Variants in ATP2B4 observed in about 807,000 individuals in gnomAD.
ATP2B4 encodes the protein ATPase plasma membrane Ca2+ transporting 4, also known as plasma membrane calcium-transporting ATPase 4.
ATP2B4 carries 39 observed loss-of-function variants against 110.3 expected under a neutral mutation model. That is an observed-to-expected ratio of 0.35 (90% CI 0.27 to 0.46). The LOEUF (loss-of-function observed/expected upper bound fraction) is 0.46. ATP2B4 is among the 20% of genes least tolerant of loss of function. The probability of loss-of-function intolerance (pLI) is 1.00; values close to 1 mark genes in which losing one functional copy is unlikely to be tolerated. For missense variants in ATP2B4, 1,135 were observed against 1,530.9 expected (o/e 0.74, Z 4.32); for synonymous variants, 538 against 571.7 (o/e 0.94, Z 0.84).
intron 16 of ATP2B4, 66 bp downstream of exon 16, chr1:203,720,806 G>GAGT: frequency 6.6e-7 from 1 of 1,522,728 alleles, no homozygotes; most frequent in South Asian, 1.3e-5. Context: ...ATGGAGTGAA[G>GAGT]ACTACGGTGT....
At chr1:203,722,456 G>A in intron 17 of ATP2B4, 22 bp from the exon 18 acceptor site, 1 of 1,577,402 alleles carries the variant, frequency 6.3e-7, no homozygotes, top group South Asian at 1.1e-5. Context: ...TTAACCTCCA[G>A]TGCTTCTCCT....
At chr1:203,673,926 G>A (rs909245038) in intron 1 of ATP2B4, among the ~76,000 whole-genome samples, 2 of 152,154 alleles carry the variant, frequency 1.3e-5, no homozygotes, top group Non-Finnish European at 2.9e-5. Flanking sequence ...TGATTCTGCT[G>A]AAATTCGTTT....
intron 1 of ATP2B4, among the ~76,000 whole-genome samples, chr1:203,678,392 C>T (rs1484057213): frequency 2.0e-4 from 20 of 100,188 alleles, no homozygotes; most frequent in African/African-American, 3.6e-4. Context: ...TTTCTAGAGG[C>T]TTTTTTTTTT....
chr1:203,710,846 G>T, intron 11 of ATP2B4, 31 bp from the exon 12 acceptor site: 1 of 1,514,996 alleles, frequency 6.6e-7, no homozygotes, highest in South Asian at 1.2e-5. Flanking sequence ...TGGGAAGGGA[G>T]ACACCGCGTT....
Position 203,743,021 on chromosome 1 carries a change from A to T in ATP2B4, c.*3167A>T, listed in dbSNP as rs1667023976. The T allele has an allele frequency of 6.5e-6, 1 of 152,684 alleles. No individual in the cohort carries two copies. 9.5% of individuals were successfully genotyped at this position (152,684 alleles called of 1,614,324 possible). ...CCCATAGTATCATCTGTCCTCTGGA[A>T]TGACTCTCCTGTCCCTAAAGGGGTT... On this transcript the variant is annotated 3_prime_UTR_variant, in exon 21 of 21. Transcript: ENST00000357681.
At chr1:203,674,083 G>A (rs781458025) in intron 1 of ATP2B4, among the ~76,000 whole-genome samples, 1 of 152,158 alleles carries the variant, frequency 6.6e-6, no homozygotes, top group East Asian at 1.9e-4. Context: ...TGCTGCTGCC[G>A]GAGGGCTGCG....
At chr1:203,642,702 C>A (rs750106957) in intron 1 of ATP2B4, among the ~76,000 whole-genome samples, 3 of 152,146 alleles carry the variant, frequency 2.0e-5, no homozygotes, top group Non-Finnish European at 2.9e-5. Flanking sequence ...TGTCCTAAAT[C>A]ACCTAGTTGG....
Position 203,723,912 on chromosome 1 carries a change from T to A in ATP2B4, c.3056T>A (p.Phe1019Tyr), listed in dbSNP as rs140251053. The A allele has an allele frequency of 5.0e-6, 8 of 1,610,934 alleles. No individual in the cohort carries two copies. The African/African-American group carries it at 1.1e-4, about 22-fold the overall frequency. The change falls in exon 19 of 21, where the codon TTC becomes TAC. Residue 1019 changes from phenylalanine to tyrosine, a missense_variant. By Grantham distance (22) the Phe-to-Tyr change is conservative. Coordinates refer to ENST00000357681, the MANE Select transcript of ATP2B4 (RefSeq NM_001684.5). ...IFIVEFGGKP[F>Y]SCTSLSLSQW... ...ATCGTGGAATTTGGGGGTAAACCCTTCAGTTGTACAAGCCTCAGCCTGTCT... is the reference window on the plus strand; with the variant it reads ...ATCGTGGAATTTGGGGGTAAACCCTACAGTTGTACAAGCCTCAGCCTGTCT...
At chr1:203,735,002 C>CAAAAAAAAAAAAAAAAAAA (rs35552196) in intron 20 of ATP2B4, among the ~76,000 whole-genome samples, 7 of 57,130 alleles carry the variant, frequency 1.2e-4, no homozygotes, top group South Asian at 1.8e-3. Context: ...GACTCCATCT[C>CAAAAAAAAAAAAAAAAAAA]AAAAAAAAAA....
At position 203,712,346 on chromosome 1, in the gene ATP2B4, A is replaced by G. The variant is rs146534118; in HGVS notation, c.2211+207A>G. On this transcript the variant is annotated intron_variant, in intron 13 of 20. Transcript: ENST00000357681. Reference sequence around the variant, plus strand: ...GGTAGCTTACTCCTGTAATTCCAGCACTTTGGGAGGCCACGGCGGGTGGAT... The same window carrying G: ...GGTAGCTTACTCCTGTAATTCCAGCGCTTTGGGAGGCCACGGCGGGTGGAT... 2.9e-3 allele frequency among the ~76,000 whole-genome samples: 437 copies of G among 152,308 alleles called. 2 individuals are homozygous for G. The highest frequency in any genetic ancestry group is 4.8e-3 in the Non-Finnish European group (327 of 68,024).
At position 203,740,587 on chromosome 1, in the gene ATP2B4, T is replaced by G. The variant is rs1301364465; in HGVS notation, c.*733T>G. On this transcript the variant is annotated 3_prime_UTR_variant, in exon 21 of 21. Coordinates refer to ENST00000357681, the MANE Select transcript of ATP2B4 (RefSeq NM_001684.5). The stretch of plus-strand genomic sequence containing the variant: ...CAGTTTCTTTGTTAAAAGGGTCCTT[T>G]TGAAGCAATTAAGTGCTGGTAAGAA... The G allele has an allele frequency of 2.0e-5, 3 of 152,188 alleles. No homozygotes were observed. The East Asian group carries it at 5.8e-4, about 29-fold the overall frequency. 9.4% of individuals were successfully genotyped at this position (152,188 alleles called of 1,614,324 possible). A position where few individuals can be genotyped will look rare whatever the true frequency, so the allele number is the denominator to read the frequency against.
chr1:203,723,459 T>TCTCTCTCTCC (rs1558052460), intron 18 of ATP2B4, among the ~76,000 whole-genome samples: 10 of 128,684 alleles, frequency 7.8e-5, no homozygotes, highest in African/African-American at 2.2e-4. Context: ...TCTCTCTCTC[T>TCTCTCTCTCC]CCCTCTGCCT....
intron 18 of ATP2B4, among the ~76,000 whole-genome samples, chr1:203,723,206 T>C (rs889959455): frequency 2.0e-5 from 3 of 151,806 alleles, no homozygotes; most frequent in South Asian, 2.1e-4. Flanking sequence ...GAGCTGATCA[T>C]GTCCCATCCC....
intron 1 of ATP2B4, among the ~76,000 whole-genome samples, chr1:203,638,016 G>T (rs1487027832): frequency 6.6e-6 from 1 of 152,182 alleles, no homozygotes; most frequent in Admixed American, 6.6e-5. Context: ...AGGGGTCTTA[G>T]TGGGAATGGG....
At chr1:203,664,976 C>T (rs961885184) in intron 1 of ATP2B4, among the ~76,000 whole-genome samples, 10 of 152,216 alleles carry the variant, frequency 6.6e-5, no homozygotes, top group South Asian at 4.1e-4. Context: ...GGACTACAGG[C>T]GCCTGCCACC....
chr1:203,735,482 C>T (rs539221972), intron 20 of ATP2B4, among the ~76,000 whole-genome samples: 6 of 152,288 alleles, frequency 3.9e-5, no homozygotes, highest in African/African-American at 1.4e-4. Context: ...CCCCCATTCC[C>T]AACCTCACCA....
chr1:203,697,897 G>T (rs970085229), intron 2 of ATP2B4, among the ~76,000 whole-genome samples: 1 of 152,068 alleles, frequency 6.6e-6, no homozygotes, highest in Non-Finnish European at 1.5e-5. Context: ...TGGAGACAAG[G>T]TTTCACCATG....
At position 203,626,968 on chromosome 1, in the gene ATP2B4, A is replaced by G. The variant is rs1453405874; in HGVS notation, c.-716A>G. On this transcript the variant is annotated 5_prime_UTR_variant, in exon 1 of 21. Transcript: ENST00000357681. Reference sequence around the variant, plus strand: ...CCCTCCGAAGAGAGCAAGATCAGAGACACCCGCCCAGCTCTCCTGCACCCT... The same window carrying G: ...CCCTCCGAAGAGAGCAAGATCAGAGGCACCCGCCCAGCTCTCCTGCACCCT... 1 of 152,344 alleles carries G rather than the reference A, an allele frequency of 6.6e-6. No individual in the cohort carries two copies. The highest frequency in any genetic ancestry group is 2.4e-5 in the African/African-American group (1 of 41,458). The allele number at this position is 152,344 out of a possible 1,614,324, so 9.4% of individuals were successfully genotyped here. A position where few individuals can be genotyped will look rare whatever the true frequency, so the allele number is the denominator to read the frequency against.
At chr1:203,659,696 G>C (rs1168007277) in intron 1 of ATP2B4, among the ~76,000 whole-genome samples, 1 of 152,090 alleles carries the variant, frequency 6.6e-6, no homozygotes, top group Non-Finnish European at 1.5e-5. Context: ...CTAGGCATGT[G>C]GGGGAAGCCT....
Sources: gnomAD v4.1 joint callset for allele counts (sites outside exome capture counted in the v4.1 genomes callset) on GRCh38, gnomAD v4.1.1 for gene constraint, MANE v1.5 for transcripts, NCBI Gene and HGNC (gene_info 2026-07-23, HGNC 2026-07-21) for gene names.